Variants in PTPRD observed in about 807,000 individuals in gnomAD.
PTPRD encodes protein tyrosine phosphatase receptor type D.
A neutral mutation model predicts 214.5 loss-of-function variants in PTPRD; 34 were observed. The observed-to-expected ratio is 0.16, with a 90% CI of 0.12 to 0.21. The LOEUF (loss-of-function observed/expected upper bound fraction) is 0.21. Among genes scored for constraint, PTPRD ranks in the 10% least tolerant of loss-of-function variants. The probability of loss-of-function intolerance (pLI) is 1.00; values close to 1 mark genes in which losing one functional copy is unlikely to be tolerated. For synonymous variants in PTPRD, 1,128 were observed against 845.7 expected (o/e 1.33, Z -5.79); for missense variants, 2,545 against 2,398.7 (o/e 1.06, Z -1.27).
chr9:8,763,343 C>G (rs2094520494), intron 11 of PTPRD, among the ~76,000 whole-genome samples: 1 of 151,766 alleles, frequency 6.6e-6, no homozygotes, highest in African/African-American at 2.4e-5. Flanking sequence ...GAAACCCCAT[C>G]TCTAATAAAA....
chr9:10,450,624 A>T (rs1456550936), intron 2 of PTPRD, among the ~76,000 whole-genome samples: 3 of 152,020 alleles, frequency 2.0e-5, no homozygotes, highest in African/African-American at 4.8e-5. Flanking sequence ...AAGAACTGTA[A>T]TATTAAAATT....
At chr9:9,082,527 A>G (rs950496533) in intron 10 of PTPRD, among the ~76,000 whole-genome samples, 5 of 152,100 alleles carry the variant, frequency 3.3e-5, no homozygotes, top group Non-Finnish European at 5.9e-5. Context: ...CTCCTATTCA[A>G]CCTGGTATTG....
At chr9:9,678,510 A>T (rs951275386) in intron 7 of PTPRD, among the ~76,000 whole-genome samples, 2 of 151,938 alleles carry the variant, frequency 1.3e-5, no homozygotes, top group Non-Finnish European at 2.9e-5. Context: ...CTCCTAGAAA[A>T]CTTACACAAT....
intron 3 of PTPRD, among the ~76,000 whole-genome samples, chr9:10,323,790 TTAA>T (rs2096597307): frequency 6.6e-6 from 1 of 152,034 alleles, no homozygotes; most frequent in South Asian, 2.1e-4. Flanking sequence ...ATATAATATA[TTAA>T]TAAGTGTATT....
chr9:10,343,514 A>T (rs551519103), intron 2 of PTPRD, among the ~76,000 whole-genome samples: 168 of 152,216 alleles, frequency 1.1e-3, no homozygotes, highest in African/African-American at 3.7e-3. Flanking sequence ...TGCTGGGTCA[A>T]ATGGTATTTC....
intron 7 of PTPRD, among the ~76,000 whole-genome samples, chr9:9,666,883 G>C (rs1159700766): frequency 1.3e-5 from 2 of 151,616 alleles, no homozygotes; most frequent in Non-Finnish European, 2.9e-5. Context: ...GCTTTACCTC[G>C]CTTTTTATGG....
chr9:10,359,172 A>T (rs2097332177), intron 2 of PTPRD, among the ~76,000 whole-genome samples: 1 of 152,020 alleles, frequency 6.6e-6, no homozygotes, highest in Non-Finnish European at 1.5e-5. Flanking sequence ...TATAATATTC[A>T]TTGTTCAGCC....
At chr9:9,285,101 A>G (rs1344693176) in intron 9 of PTPRD, among the ~76,000 whole-genome samples, 2 of 151,748 alleles carry the variant, frequency 1.3e-5, no homozygotes, top group Non-Finnish European at 2.9e-5. Flanking sequence ...AACCTCACAT[A>G]TTTGGCATGA....
intron 4 of PTPRD, among the ~76,000 whole-genome samples, chr9:9,947,173 A>T (rs1216139390): frequency 6.8e-6 from 1 of 147,350 alleles, no homozygotes; most frequent in East Asian, 2.0e-4. Context: ...CAGTACAATG[A>T]GTAGTTCAGC....
At chr9:10,159,973 C>T (rs2099117677) in intron 3 of PTPRD, among the ~76,000 whole-genome samples, 1 of 152,024 alleles carries the variant, frequency 6.6e-6, no homozygotes, top group African/African-American at 2.4e-5. Context: ...ACAAAACATT[C>T]TAAAACTTGG....
chr9:9,564,345 A>C (rs2083759779), intron 8 of PTPRD, among the ~76,000 whole-genome samples: 1 of 152,124 alleles, frequency 6.6e-6, no homozygotes, highest in South Asian at 2.1e-4. Flanking sequence ...GTTGTGAGGA[A>C]TGCTTCTCCT....
chr9:8,820,010 G>A (rs1001192019), intron 11 of PTPRD, among the ~76,000 whole-genome samples: 2 of 151,982 alleles, frequency 1.3e-5, no homozygotes, highest in African/African-American at 2.4e-5. Context: ...CACAGCAGAC[G>A]GCATCACTTT....
In PTPRD at chr9:10,070,271, C is replaced by T. The variant is rs2097976853; in HGVS notation, c.-544-36481G>A. On this transcript the variant is annotated intron_variant, in intron 3 of 45. Transcript: ENST00000381196. ...TGCAGCTTTTCAAGCTCTTCCATTC[C>T]CTCATTACTGTTTATCTTAATTACT... is the stretch of plus-strand genomic sequence containing the variant. Among the ~76,000 whole-genome samples the T allele has an allele frequency of 4.6e-5, 7 of 152,092 alleles. No individual in the cohort carries two copies. In the South Asian group the frequency reaches 1.5e-3, roughly 32 times the overall value.
rs562938391 is a variant in PTPRD at position 8,721,554 on chromosome 9, T to C, written c.64+12226A>G. 3.3e-5 allele frequency among the ~76,000 whole-genome samples: 5 copies of C among 152,266 alleles called. No homozygotes were observed. The East Asian group carries it at 9.6e-4, about 29-fold the overall frequency. On this transcript the variant is annotated intron_variant, in intron 12 of 45. Coordinates refer to ENST00000381196, the MANE Select transcript of PTPRD (RefSeq NM_002839.4). ...AATTTTATTGATAAAAATAAAATAT[T>C]AACAAAATTAATATACCATAAAATA...
intron 39 of PTPRD, among the ~76,000 whole-genome samples, chr9:8,346,629 C>T (rs1443266393): frequency 6.6e-6 from 1 of 152,112 alleles, no homozygotes; most frequent in Admixed American, 6.5e-5. Flanking sequence ...TAGTAGCCAT[C>T]TCGGTTATCC....
rs569948689 is a variant in PTPRD, at chr9:9,237,598, T to A, written c.-202-54235A>T. The stretch of plus-strand genomic sequence containing the variant: ...TTCCCCCAAAGCCAGGAATATTTGC[T>A]GTTTTGTTGGTTGAAATCTGACAAG... On this transcript the variant is annotated intron_variant, in intron 9 of 45. Coordinates refer to ENST00000381196, the MANE Select transcript of PTPRD (RefSeq NM_002839.4). 1.2e-4 allele frequency among the ~76,000 whole-genome samples: 18 copies of A among 152,314 alleles called. No homozygotes were observed. The South Asian group carries it at 3.1e-3, about 26-fold the overall frequency.
chr9:10,379,241 G>GTTT (rs766875582), intron 2 of PTPRD, among the ~76,000 whole-genome samples: 1 of 148,302 alleles, frequency 6.7e-6, no homozygotes, highest in Non-Finnish European at 1.5e-5. Flanking sequence ...AGTTCTAATA[G>GTTT]TTTTTTTTGT....
chr9:9,705,886 C>A (rs2097591929), intron 7 of PTPRD, among the ~76,000 whole-genome samples: 3 of 152,018 alleles, frequency 2.0e-5, no homozygotes. Context: ...GCAGTGACCT[C>A]AAAGAGAGGT....
chr9:8,794,237 A>G (rs971748276), intron 11 of PTPRD, among the ~76,000 whole-genome samples: 9 of 152,318 alleles, frequency 5.9e-5, no homozygotes, highest in African/African-American at 1.9e-4. Flanking sequence ...AATAAATGTG[A>G]ATCATCTATA....
Sources: gnomAD v4.1 joint callset for allele counts (sites outside exome capture counted in the v4.1 genomes callset) on GRCh38, gnomAD v4.1.1 for gene constraint, MANE v1.5 for transcripts, NCBI Gene and HGNC (gene_info 2026-07-23, HGNC 2026-07-21) for gene names.